Variants in RIMBP2 observed in about 807,000 individuals in gnomAD.
The protein encoded by RIMBP2 is RIMS binding protein 2.
A neutral mutation model predicts 118.6 loss-of-function variants in RIMBP2; 48 were observed. That is an observed-to-expected ratio of 0.40 (90% confidence interval 0.32 to 0.51). The LOEUF (loss-of-function observed/expected upper bound fraction) is 0.51, where lower values mean the gene tolerates loss of function less well. Among genes scored for constraint, RIMBP2 ranks in the 20% least tolerant of loss-of-function variants. RIMBP2 has a pLI of 0.41. For missense variants in RIMBP2, 1,551 were observed against 1,768.3 expected (o/e 0.88, Z 2.20); for synonymous variants, 762 against 742.9 (o/e 1.03, Z -0.42).
chr12:130,667,614 A>G (rs139664217), intron 1 of RIMBP2: 1 of 152,442 alleles, frequency 6.6e-6, no homozygotes, highest in East Asian at 1.9e-4. Flanking sequence ...TGAGGGGATC[A>G]TGCTGAGCCC....
At chr12:130,526,990 G>GGA (rs2052859397) in intron 2 of RIMBP2, among the ~76,000 whole-genome samples, 1 of 152,076 alleles carries the variant, frequency 6.6e-6, no homozygotes, top group South Asian at 2.1e-4. Flanking sequence ...ACCACAGGGT[G>GGA]GAAGGCGAGT....
chr12:130,582,373 G>A lies in RIMBP2; in HGVS notation c.-217+45949C>T, dbSNP rs2058537497. 2.6e-5 allele frequency among the ~76,000 whole-genome samples: 4 copies of A among 152,190 alleles called. No homozygotes were observed. In the South Asian group the frequency reaches 8.3e-4, roughly 32 times the overall value. On this transcript the variant is annotated intron_variant, in intron 2 of 22. Coordinates refer to ENST00000690449, the MANE Select transcript of RIMBP2 (RefSeq NM_001393629.1). ...TCAAAGGTGAAGAAGTGGGAGCTCAGAGAAGTCAGACTGTTTGCCTAAGAA... is the reference window on the plus strand; with the variant it reads ...TCAAAGGTGAAGAAGTGGGAGCTCAAAGAAGTCAGACTGTTTGCCTAAGAA...
At chr12:130,451,706 G>A (rs562030512) in intron 7 of RIMBP2, among the ~76,000 whole-genome samples, 73 of 152,390 alleles carry the variant, frequency 4.8e-4, no homozygotes, top group African/African-American at 1.7e-3. Flanking sequence ...GCACCTGCGA[G>A]AGGAACGCTC....
At chr12:130,518,324 TA>T (rs1421368807) in intron 2 of RIMBP2, among the ~76,000 whole-genome samples, 3 of 152,076 alleles carry the variant, frequency 2.0e-5, no homozygotes, top group African/African-American at 7.2e-5. Context: ...CACTCAAAAA[TA>T]AGATAAAGCA....
At chr12:130,477,879 G>A (rs2081577064) in intron 5 of RIMBP2, among the ~76,000 whole-genome samples, 1 of 152,228 alleles carries the variant, frequency 6.6e-6, no homozygotes, top group African/African-American at 2.4e-5. Context: ...CTGCAGACCA[G>A]CCAGCTGCAC....
rs1439442259 is a variant in RIMBP2 at position 130,422,329 on chromosome 12, T to C, written c.3238+124A>G. ...TGCTGTTCCTGCCTTCTTTTTGCCA[T>C]GAATAACAGTGTTCTTTGCTTAGCG... On this transcript the variant is annotated intron_variant, in intron 17 of 22. Transcript: ENST00000690449. The surrounding 1 kb of genome is among the most constrained non-coding windows in gnomAD (Gnocchi z 5.2). 13 of 582,092 alleles carry C rather than the reference T, an allele frequency of 2.2e-5. No individual in the cohort carries two copies. The highest frequency in any genetic ancestry group is 2.2e-4 in the South Asian group (8 of 37,166). The allele number at this position is 582,092 out of a possible 1,614,324, so 36.1% of individuals were successfully genotyped here. A position where few individuals can be genotyped will look rare whatever the true frequency, so the allele number is the denominator to read the frequency against.
chr12:130,663,147 A>G (rs4759507), intron 1 of RIMBP2, among the ~76,000 whole-genome samples: 90,690 of 151,986 alleles, frequency 0.6, 27,599 homozygotes, highest in Non-Finnish European at 0.67. Flanking sequence ...TTTGCCAAGT[A>G]TCAAGAGGAT....
At position 130,549,078 on chromosome 12, in the gene RIMBP2, G is replaced by C. The variant is rs563835423; in HGVS notation, c.-216-31161C>G. Among the ~76,000 whole-genome samples, 13 of 152,240 alleles carry C rather than the reference G, an allele frequency of 8.5e-5. No homozygotes were observed. In the East Asian group the frequency reaches 2.3e-3, roughly 27 times the overall value. On this transcript the variant is annotated intron_variant, in intron 2 of 22. Coordinates refer to ENST00000690449, the MANE Select transcript of RIMBP2 (RefSeq NM_001393629.1). The stretch of plus-strand genomic sequence containing the variant: ...TTCTACCCCTAATTAAATACTCCTA[G>C]GAAACTTGTAAGAAATGCAGACATA...
intron 2 of RIMBP2, among the ~76,000 whole-genome samples, chr12:130,551,286 G>C (rs2055754463): frequency 1.3e-5 from 2 of 152,168 alleles, no homozygotes; most frequent in Admixed American, 6.5e-5. Flanking sequence ...AAAGAAGCTG[G>C]CATCAGAGGG....
At position 130,433,346 on chromosome 12, in the gene RIMBP2, G is replaced by C. The variant is rs552725012; in HGVS notation, c.2253+1388C>G. ...GATGCTACAGATATGTCTACTCACT[G>C]CATGTGCGTGTGACTCCTCTCGGAT... On this transcript the variant is annotated intron_variant, in intron 14 of 22. Coordinates refer to ENST00000690449, the MANE Select transcript of RIMBP2 (RefSeq NM_001393629.1). 9.2e-5 allele frequency among the ~76,000 whole-genome samples: 14 copies of C among 152,298 alleles called. 1 individual carries two copies. The South Asian group carries it at 2.9e-3, about 32-fold the overall frequency.
chr12:130,706,780 A>G lies in RIMBP2; in HGVS notation c.-352+9442T>C, dbSNP rs1312393891. Among the ~76,000 whole-genome samples, 5 of 152,288 alleles carry G rather than the reference A, an allele frequency of 3.3e-5. No individual in the cohort carries two copies. The East Asian group carries it at 5.8e-4, about 18-fold the overall frequency. ...TTCAATGAGGCCGGCTCTTGTTTTC[A>G]TGGCTCATGCTATTGCTCTCCAAAC... On this transcript the variant is annotated intron_variant, in intron 1 of 22. Coordinates refer to ENST00000690449, the MANE Select transcript of RIMBP2 (RefSeq NM_001393629.1).
chr12:130,566,756 T>C (rs2057251585), intron 2 of RIMBP2, among the ~76,000 whole-genome samples: 3 of 152,204 alleles, frequency 2.0e-5, no homozygotes, highest in Non-Finnish European at 4.4e-5. Flanking sequence ...CCCTCAGAAA[T>C]GGTGAGATAA....
intron 1 of RIMBP2, among the ~76,000 whole-genome samples, chr12:130,650,246 C>A (rs551826511): frequency 6.6e-6 from 1 of 152,200 alleles, no homozygotes; most frequent in African/African-American, 2.4e-5. Context: ...TGGGTGCTGA[C>A]TCGTGCCCAC....
At chr12:130,483,887 G>C (rs1446776283) in intron 4 of RIMBP2, among the ~76,000 whole-genome samples, 2 of 151,064 alleles carry the variant, frequency 1.3e-5, no homozygotes. Flanking sequence ...ACAGTGCCCG[G>C]AGCCCCCGTC....
At chr12:130,646,205 ACCTCC>A (rs1566422676) in intron 1 of RIMBP2, among the ~76,000 whole-genome samples, 1 of 67,242 alleles carries the variant, frequency 1.5e-5, no homozygotes. Flanking sequence ...TTCCCTCTCC[ACCTCC>A]CTCTCCACCT....
chr12:130,480,954 C>T (rs1430971332), intron 4 of RIMBP2, among the ~76,000 whole-genome samples: 1 of 152,234 alleles, frequency 6.6e-6, no homozygotes, highest in Non-Finnish European at 1.5e-5. Flanking sequence ...GTAGCCTTCG[C>T]AAGTCATGAG....
At position 130,710,448 on chromosome 12, in the gene RIMBP2, A is replaced by G. The variant is rs1215935845; in HGVS notation, c.-352+5774T>C. ...CACACACACACATACACGCAGGCGC[A>G]CACACACACATACACACACACACGT... On this transcript the variant is annotated intron_variant, in intron 1 of 22. Coordinates refer to ENST00000690449, the MANE Select transcript of RIMBP2 (RefSeq NM_001393629.1). The surrounding 1 kb of genome is among the most constrained non-coding windows in gnomAD (Gnocchi z 4.3). 2.6e-5 allele frequency among the ~76,000 whole-genome samples: 4 copies of G among 151,604 alleles called. No homozygotes were observed. Among genetic ancestry groups the G allele is most frequent in the African/African-American group, 4.8e-5 (2 of 41,278 alleles).
intron 1 of RIMBP2, among the ~76,000 whole-genome samples, chr12:130,698,543 G>A (rs530846999): frequency 6.6e-6 from 1 of 152,270 alleles, no homozygotes; most frequent in Non-Finnish European, 1.5e-5. Flanking sequence ...ATCTCTTGAG[G>A]TCAGCAGTTC....
In RIMBP2 at chr12:130,434,815, C is replaced by T. The variant is rs201154665; in HGVS notation, c.2172G>A (p.Glu724=). 4.3e-6 allele frequency: 7 copies of T among 1,613,944 alleles called. No homozygotes were observed. The highest frequency in any genetic ancestry group is 5.9e-6 in the Non-Finnish European group (7 of 1,179,988). The part of the protein sequence containing the change: ...SAGQYAASDE[E]DAYDSPDFKR... ...TGAAGTCTGGAGAGTCATAGGCGTCCTCCTCGTCTGAGGCGGCGTACTGCC... is the reference window on the plus strand; with the variant it reads ...TGAAGTCTGGAGAGTCATAGGCGTCTTCCTCGTCTGAGGCGGCGTACTGCC... Residue 724 remains glutamate (E), a synonymous_variant, in exon 14 of 23, where the codon GAG becomes GAA. Coordinates refer to ENST00000690449, the MANE Select transcript of RIMBP2 (RefSeq NM_001393629.1). This position sits in a 1 kb window ranked among gnomAD's most constrained non-coding sequence, Gnocchi z 5.7.
Sources: gnomAD v4.1 joint callset for allele counts (sites outside exome capture counted in the v4.1 genomes callset) on GRCh38, gnomAD v4.1.1 for gene constraint, Gnocchi (gnomAD v3.1) non-coding constraint, MANE v1.5 for transcripts, NCBI Gene and HGNC (gene_info 2026-07-23, HGNC 2026-07-21) for gene names.